PDE2A: variants seen among roughly 807,000 people sequenced by gnomAD.
PDE2A encodes the protein phosphodiesterase 2A, also known as cGMP-dependent 3',5'-cyclic phosphodiesterase.
PDE2A carries 53 observed loss-of-function variants against 133.6 expected under a neutral mutation model. The ratio of observed to expected loss-of-function variants is 0.40; its 90% CI spans 0.32 to 0.50. The LOEUF is 0.50. Among genes scored for constraint, PDE2A ranks in the 20% least tolerant of loss-of-function variants. The pLI is 0.73. For synonymous variants in PDE2A, 491 were observed against 490.2 expected (o/e 1.00, Z -0.02); for missense variants, 796 against 1,232.4 (o/e 0.65, Z 5.30).
chr11:72,650,216 T>C (rs894545587), intron 1 of PDE2A, among the ~76,000 whole-genome samples: 7 of 151,968 alleles, frequency 4.6e-5, no homozygotes, highest in Admixed American at 3.9e-4. Context: ...AGAGGCAGGG[T>C]TTCACCATGT....
chr11:72,600,045 C>T (rs1019469740), intron 4 of PDE2A, among the ~76,000 whole-genome samples: 5 of 152,138 alleles, frequency 3.3e-5, no homozygotes, highest in African/African-American at 9.7e-5. Context: ...GGCTTGGAGG[C>T]GAGAAGATTG....
intron 6 of PDE2A, among the ~76,000 whole-genome samples, chr11:72,592,443 A>G (rs919772193): frequency 6.6e-6 from 1 of 152,166 alleles, no homozygotes; most frequent in African/African-American, 2.4e-5. Flanking sequence ...CTGGGGTGGG[A>G]CGAGTGGGGA....
rs771094282 is a variant in PDE2A, at chr11:72,580,589, G to C, written c.2169C>G (p.Gly723=). The C allele has an allele frequency of 1.5e-5, 23 of 1,568,588 alleles. No individual in the cohort carries two copies. The highest frequency in any genetic ancestry group is 1.9e-5 in the Non-Finnish European group (22 of 1,155,592). The change falls in exon 25 of 31, where the codon GGC becomes GGG. Residue 723 remains glycine, a synonymous_variant. Transcript: ENST00000334456. ...SVLAALYSSE[G]SVMERHHFAQ... is the part of the protein sequence containing the mutation. ...AGAAGAGTGATACCTCCATGACGGA[G>C]CCCTCAGAGCTGTAGAGCGCAGCCA...
chr11:72,624,308 T>C (rs1257382154), intron 2 of PDE2A, among the ~76,000 whole-genome samples: 3 of 152,198 alleles, frequency 2.0e-5, no homozygotes, highest in Non-Finnish European at 2.9e-5. Context: ...AACCATCCTT[T>C]GGACGGTGTT....
chr11:72,582,056 A>G (rs1855747216), intron 21 of PDE2A, 109 bp from the exon 22 acceptor site: 3 of 856,672 alleles, frequency 3.5e-6, no homozygotes, highest in African/African-American at 1.7e-5. Context: ...TTAGAAACTT[A>G]CATCTAAACT....
intron 20 of PDE2A, 52 bp from the exon 21 acceptor site, chr11:72,582,618 T>G (rs781474565): frequency 6.5e-7 from 1 of 1,541,792 alleles, no homozygotes; most frequent in Non-Finnish European, 8.8e-7. Context: ...CCATCTGGTG[T>G]CTTCACCCTC....
chr11:72,645,769 G>A (rs1426130380), intron 1 of PDE2A, among the ~76,000 whole-genome samples: 1 of 152,238 alleles, frequency 6.6e-6, no homozygotes, highest in Admixed American at 6.5e-5. Flanking sequence ...TACATCTGGG[G>A]CTGGGAGGCT....
At position 72,585,358 on chromosome 11, in the gene PDE2A, TAG is replaced by T; in HGVS notation, c.1286+11_1286+12del. On this transcript the variant is annotated intron_variant, in intron 16 of 30. Coordinates refer to ENST00000334456, the MANE Select transcript of PDE2A (RefSeq NM_002599.5). ...AGCCTCTCTCGCCCTGTCCCCTGGGTAGAGTCACTCACATCTCTGCGTTGCTG... is the reference window on the plus strand; with the variant it reads ...AGCCTCTCTCGCCCTGTCCCCTGGGTAGTCACTCACATCTCTGCGTTGCTG... 1 of 1,611,748 alleles carries T rather than the reference TAG, an allele frequency of 6.2e-7. No homozygotes were observed. Among genetic ancestry groups the T allele is most frequent in the Non-Finnish European group, 8.5e-7 (1 of 1,178,056 alleles).
chr11:72,605,167 TG>T lies in PDE2A; in HGVS notation c.293del (p.Pro98HisfsTer53). 6.2e-7 allele frequency: 1 copy of T among 1,610,888 alleles called. No individual in the cohort carries two copies. ...CTTTCCCCTCCTGGGGCAGCTCATG[TG>T]GGGGGTCCTCACACACCAGCTGGGA... ...GESQLVCEDPPHELPQEGKVR... is the reference protein window; with the variant it reads ...GESQLVCEDPXHELPQEGKVR... On this transcript the variant is annotated frameshift_variant, in exon 4 of 31. Coordinates refer to ENST00000334456, the MANE Select transcript of PDE2A (RefSeq NM_002599.5). LOFTEE classifies it high-confidence loss of function.
chr11:72,609,984 C>T (rs1857133556), intron 2 of PDE2A, among the ~76,000 whole-genome samples: 1 of 151,942 alleles, frequency 6.6e-6, no homozygotes, highest in Admixed American at 6.6e-5. Flanking sequence ...ATGACAGTTC[C>T]CCCACTTTTA....
At chr11:72,603,682 A>C (rs991922569) in intron 4 of PDE2A, among the ~76,000 whole-genome samples, 1 of 152,230 alleles carries the variant, frequency 6.6e-6, no homozygotes, top group Non-Finnish European at 1.5e-5. Context: ...TTTTCCCCTT[A>C]AGGTTCTAAA....
chr11:72,673,524 G>A (rs900987566), intron 1 of PDE2A, among the ~76,000 whole-genome samples: 5 of 152,054 alleles, frequency 3.3e-5, no homozygotes, highest in African/African-American at 9.7e-5. Flanking sequence ...CACGAGGCTG[G>A]CACCATATTC....
At chr11:72,614,998 C>T (rs961723931) in intron 2 of PDE2A, 6 of 411,392 alleles carry the variant, frequency 1.5e-5, no homozygotes, top group South Asian at 6.7e-5. Flanking sequence ...CTACTTACCC[C>T]CTCCCGCTCC....
At chr11:72,577,652 G>T in intron 30 of PDE2A, 58 bp from the exon 31 acceptor site, 2 of 1,218,082 alleles carry the variant, frequency 1.6e-6, no homozygotes, top group Non-Finnish European at 2.4e-6. Flanking sequence ...TGGGCAGCAA[G>T]AAAGACTAGG....
rs1163875698 is a variant in PDE2A at position 72,589,159 on chromosome 11, C to A, written c.939+16G>T. 1.2e-6 allele frequency: 2 copies of A among 1,609,048 alleles called. No homozygotes were observed. Among genetic ancestry groups the A allele is most frequent in the South Asian group, 2.2e-5 (2 of 90,644 alleles). ...GTCTCCTCTTTCCCCTCTGGGTCAG[C>A]CAGGCCATGACTTACGGAGGTGAGG... On this transcript the variant is annotated intron_variant, in intron 12 of 30. Transcript: ENST00000334456.
chr11:72,640,746 A>G (rs1858918218), intron 2 of PDE2A, among the ~76,000 whole-genome samples: 1 of 152,172 alleles, frequency 6.6e-6, no homozygotes, highest in African/African-American at 2.4e-5. Context: ...AGTAACACAC[A>G]CAACTACATA....
chr11:72,620,327 G>A (rs554516501), intron 2 of PDE2A, among the ~76,000 whole-genome samples: 1 of 152,134 alleles, frequency 6.6e-6, no homozygotes, highest in Non-Finnish European at 1.5e-5. Flanking sequence ...CAAGGCCCAG[G>A]AGAAGGCCCC....
At chr11:72,642,185 C>T (rs1417165318) in intron 2 of PDE2A, 69 bp downstream of exon 2, 2 of 1,369,884 alleles carry the variant, frequency 1.5e-6, no homozygotes, top group East Asian at 3.1e-5. Flanking sequence ...GGTTCGGGGG[C>T]GGGCAGACCC....
At chr11:72,600,002 A>T (rs1418469424) in intron 4 of PDE2A, among the ~76,000 whole-genome samples, 1 of 152,248 alleles carries the variant, frequency 6.6e-6, no homozygotes, top group East Asian at 1.9e-4. Flanking sequence ...CGAGGCAGAC[A>T]GGAAAGGATG....
Sources: allele counts gnomAD v4.1 joint callset (sites outside exome capture counted in the v4.1 genomes callset), GRCh38; gene constraint gnomAD v4.1.1; transcripts MANE v1.5; gene names NCBI Gene and HGNC (gene_info 2026-07-23, HGNC 2026-07-21).